The following TNFSF4 variants were observed in gnomAD, a reference collection of about 807,000 sequenced individuals.
The protein encoded by TNFSF4 is TNF superfamily member 4.
In TNFSF4, 4 loss-of-function variants were observed where a neutral mutation model predicts 7.3. The observed-to-expected ratio is 0.55, with a 90% CI of 0.27 to 1.25. The LOEUF (loss-of-function observed/expected upper bound fraction) is 1.25, where lower values mean the gene tolerates loss of function less well. TNFSF4 is among the 50% of genes most tolerant of loss of function. The probability of loss-of-function intolerance (pLI) is 0.12; values close to 1 mark genes in which losing one functional copy is unlikely to be tolerated. For missense variants in TNFSF4, 181 were observed against 208.8 expected (o/e 0.87, Z 0.82); for synonymous variants, 76 against 83.7 (o/e 0.91, Z 0.50).
At chr1:173,362,239 C>G in the TNFSF4 span, among the ~76,000 whole-genome samples, 1 of 152,050 alleles carries the variant, frequency 6.6e-6, no homozygotes, top group African/African-American at 2.4e-5. Context: ...TAAGTGTTTT[C>G]TTTTTTAAAA....
the TNFSF4 span, among the ~76,000 whole-genome samples, chr1:173,324,062 G>A: frequency 0.55 from 82,884 of 151,986 alleles, 24,173 homozygotes; most frequent in African/African-American, 0.75. Flanking sequence ...CATAATTGTC[G>A]GATTCACCAA....
At chr1:173,224,787 C>T in the TNFSF4 span, among the ~76,000 whole-genome samples, 4 of 152,158 alleles carry the variant, frequency 2.6e-5, no homozygotes, top group Non-Finnish European at 5.9e-5. Flanking sequence ...GCTTGCAATG[C>T]TACACAGCAT....
upstream of TNFSF4, among the ~76,000 whole-genome samples, chr1:173,211,144 C>T (rs2102007033): frequency 6.6e-6 from 1 of 152,316 alleles, no homozygotes; most frequent in East Asian, 1.9e-4. Context: ...GCTCTTCATT[C>T]ACCAGACATT....
At chr1:173,399,898 T>C in the TNFSF4 span, among the ~76,000 whole-genome samples, 18 of 152,294 alleles carry the variant, frequency 1.2e-4, no homozygotes, top group East Asian at 1.2e-3. Context: ...GAGACTCACA[T>C]TGAGTTCCCA....
chr1:173,378,995 A>T, the TNFSF4 span, among the ~76,000 whole-genome samples: 8 of 150,314 alleles, frequency 5.3e-5, no homozygotes. Context: ...ATCAAGGCAG[A>T]CCTGGCGAAG....
chr1:173,409,164 G>T, the TNFSF4 span, among the ~76,000 whole-genome samples: 1 of 152,150 alleles, frequency 6.6e-6, no homozygotes, highest in Non-Finnish European at 1.5e-5. Context: ...AAACTCAAAT[G>T]AAGGAGCATT....
At chr1:173,417,200 C>T in the TNFSF4 span, among the ~76,000 whole-genome samples, 4 of 152,174 alleles carry the variant, frequency 2.6e-5, no homozygotes, top group Admixed American at 6.5e-5. Flanking sequence ...AGAGACACCT[C>T]GGTTTGGGGC....
chr1:173,347,630 AT>A, the TNFSF4 span, among the ~76,000 whole-genome samples: 2 of 152,242 alleles, frequency 1.3e-5, no homozygotes, highest in African/African-American at 2.4e-5. Flanking sequence ...AAATCATTTT[AT>A]TTTATGCAGA....
rs1051135101 is a variant in TNFSF4 at position 173,185,764 on chromosome 1, A to G, written c.*752T>C. 1 of 152,224 alleles carries G rather than the reference A, an allele frequency of 6.6e-6. No individual in the cohort carries two copies. Among genetic ancestry groups the G allele is most frequent in the African/African-American group, 2.4e-5 (1 of 41,444 alleles). 9.4% of individuals were successfully genotyped at this position (152,224 alleles called of 1,614,324 possible). ...ATAAGTTATCTCACTCTCCCTGTAT[A>G]CAAGAAAATCTCTCTTAAGTCACTG... On this transcript the variant is annotated 3_prime_UTR_variant, in exon 3 of 3. Transcript: ENST00000281834.
the TNFSF4 span, among the ~76,000 whole-genome samples, chr1:173,238,090 C>A: frequency 2.0e-5 from 3 of 152,018 alleles, no homozygotes; most frequent in Admixed American, 6.6e-5. Context: ...ATAGACAGCC[C>A]AGAAATAAAG....
chr1:173,395,025 TA>T, the TNFSF4 span, among the ~76,000 whole-genome samples: 3,343 of 123,262 alleles, frequency 0.027, 43 homozygotes, highest in East Asian at 0.059. Context: ...GATAGATAGA[TA>T]GATAGATAGA....
At chr1:173,229,933 C>T in the TNFSF4 span, among the ~76,000 whole-genome samples, 522 of 152,242 alleles carry the variant, frequency 3.4e-3, 6 homozygotes, top group African/African-American at 0.012. Context: ...ATTCATAAAG[C>T]AAGTCCTTAG....
the TNFSF4 span, among the ~76,000 whole-genome samples, chr1:173,327,640 C>G: frequency 2.0e-5 from 3 of 151,874 alleles, no homozygotes; most frequent in African/African-American, 7.2e-5. Flanking sequence ...CTACAATGAA[C>G]TCAAACAAAT....
chr1:173,255,011 T>C, the TNFSF4 span, among the ~76,000 whole-genome samples: 1 of 152,086 alleles, frequency 6.6e-6, no homozygotes, highest in Non-Finnish European at 1.5e-5. Flanking sequence ...GTCCCACCCT[T>C]AGAGATTCTG....
chr1:173,283,654 C>A, the TNFSF4 span, among the ~76,000 whole-genome samples: 1 of 152,066 alleles, frequency 6.6e-6, no homozygotes, highest in Non-Finnish European at 1.5e-5. Context: ...CACAAACAAA[C>A]CTTCCCTAAA....
the TNFSF4 span, among the ~76,000 whole-genome samples, chr1:173,353,110 C>T: frequency 2.0e-5 from 3 of 152,086 alleles, no homozygotes; most frequent in Non-Finnish European, 1.5e-5. Context: ...AAAACACACG[C>T]TTTATGAACA....
At chr1:173,440,136 G>GT in the TNFSF4 span, among the ~76,000 whole-genome samples, 4 of 152,146 alleles carry the variant, frequency 2.6e-5, no homozygotes, top group African/African-American at 9.7e-5. Context: ...AACTAGGCTT[G>GT]GCTGAGTCTG....
At chr1:173,427,420 C>A in the TNFSF4 span, among the ~76,000 whole-genome samples, 4 of 152,074 alleles carry the variant, frequency 2.6e-5, no homozygotes, top group Non-Finnish European at 5.9e-5. Context: ...GCCCGCCCCC[C>A]CACTGACCCC....
chr1:173,309,663 T>A, the TNFSF4 span, among the ~76,000 whole-genome samples: 1 of 151,990 alleles, frequency 6.6e-6, no homozygotes, highest in East Asian at 1.9e-4. Flanking sequence ...AATGTCCTTA[T>A]TAGACTTTGC....
Sources: allele counts gnomAD v4.1 joint callset (sites outside exome capture counted in the v4.1 genomes callset), GRCh38; gene constraint gnomAD v4.1.1; transcripts MANE v1.5; gene names NCBI Gene and HGNC (gene_info 2026-07-23, HGNC 2026-07-21).